Variants in HPSE2 observed in about 807,000 individuals in gnomAD.
HPSE2 encodes heparanase 2 (inactive), also known as inactive heparanase-2.
A neutral mutation model predicts 60.5 loss-of-function variants in HPSE2; 38 were observed. The ratio of observed to expected loss-of-function variants is 0.63; its 90% CI spans 0.48 to 0.82. The LOEUF is 0.82. Among genes scored for constraint, HPSE2 ranks in the 40% least tolerant of loss-of-function variants. The pLI, the probability that HPSE2 is intolerant of heterozygous loss-of-function variation, is 0.00. For synonymous variants in HPSE2, 295 were observed against 293.2 expected (o/e 1.01, Z -0.06); for missense variants, 713 against 740.4 (o/e 0.96, Z 0.43).
intron 10 of HPSE2, among the ~76,000 whole-genome samples, chr10:98,483,847 T>C (rs562173590): frequency 1.3e-5 from 2 of 152,304 alleles, no homozygotes; most frequent in Admixed American, 6.5e-5. Context: ...ATTGAAAGCC[T>C]TGGAGATTTG....
At chr10:98,684,424 A>G (rs1308676953) in intron 6 of HPSE2, among the ~76,000 whole-genome samples, 1 of 151,534 alleles carries the variant, frequency 6.6e-6, no homozygotes, top group African/African-American at 2.4e-5. Context: ...ATAAAAATAG[A>G]GATAGTTAAT....
At chr10:98,544,347 T>C (rs1234303614) in intron 9 of HPSE2, among the ~76,000 whole-genome samples, 1 of 152,086 alleles carries the variant, frequency 6.6e-6, no homozygotes, top group South Asian at 2.1e-4. Context: ...AGAGGGAAAT[T>C]TATAGCACTA....
At chr10:99,226,713 C>T (rs1463363426) in intron 2 of HPSE2, among the ~76,000 whole-genome samples, 1 of 151,972 alleles carries the variant, frequency 6.6e-6, no homozygotes, top group Non-Finnish European at 1.5e-5. Context: ...TTAAGCTCCA[C>T]CTCCCAGAGG....
the HPSE2 span, among the ~76,000 whole-genome samples, chr10:99,293,061 G>T: frequency 6.6e-6 from 1 of 152,000 alleles, no homozygotes; most frequent in African/African-American, 2.4e-5. Context: ...AAAGTTCTAT[G>T]GTTTTCCAGG....
intron 3 of HPSE2, among the ~76,000 whole-genome samples, chr10:99,045,106 T>G (rs560007623): frequency 6.6e-6 from 1 of 152,118 alleles, no homozygotes; most frequent in African/African-American, 2.4e-5. Flanking sequence ...ATGAACCACA[T>G]GCACAGTCAT....
At chr10:98,495,058 CAG>C (rs1171833706) in intron 9 of HPSE2, among the ~76,000 whole-genome samples, 1 of 152,022 alleles carries the variant, frequency 6.6e-6, no homozygotes, top group Non-Finnish European at 1.5e-5. Context: ...GCATTTTTTG[CAG>C]AGCAAGTCTA....
At chr10:99,130,906 G>C (rs545415220) in intron 3 of HPSE2, among the ~76,000 whole-genome samples, 1 of 152,262 alleles carries the variant, frequency 6.6e-6, no homozygotes, top group Non-Finnish European at 1.5e-5. Flanking sequence ...GGCTGCCAGT[G>C]AAAGAGCCAA....
intron 9 of HPSE2, among the ~76,000 whole-genome samples, chr10:98,503,691 G>A (rs1480448114): frequency 6.6e-6 from 1 of 152,204 alleles, no homozygotes; most frequent in Non-Finnish European, 1.5e-5. Context: ...GCCATAAAAA[G>A]GATGAATTAA....
chr10:99,152,918 G>T (rs563758995), intron 2 of HPSE2, among the ~76,000 whole-genome samples: 3 of 152,248 alleles, frequency 2.0e-5, no homozygotes, highest in Admixed American at 2.0e-4. Flanking sequence ...CCGAAGCAGG[G>T]CGAGGCATTG....
At chr10:98,753,983 C>G (rs1390698618) in intron 3 of HPSE2, among the ~76,000 whole-genome samples, 2 of 152,088 alleles carry the variant, frequency 1.3e-5, no homozygotes, top group Non-Finnish European at 2.9e-5. Flanking sequence ...CACTAGCTTC[C>G]CAGCAATGGT....
At chr10:98,479,259 C>T (rs569903029) in intron 11 of HPSE2, among the ~76,000 whole-genome samples, 2 of 152,184 alleles carry the variant, frequency 1.3e-5, no homozygotes, top group Non-Finnish European at 2.9e-5. Flanking sequence ...CTTCCTGGTT[C>T]CTCCAGACAG....
chr10:99,132,187 AAGAAAGAGAGAG>A (rs1845432474), intron 3 of HPSE2, among the ~76,000 whole-genome samples: 5 of 24,208 alleles, frequency 2.1e-4, no homozygotes, highest in African/African-American at 4.1e-4. Flanking sequence ...GAAAGAAAGA[AAGAAAGAGAGAG>A]AGAGAGAGAG....
At chr10:98,567,416 C>T (rs573255715) in intron 9 of HPSE2, among the ~76,000 whole-genome samples, 3 of 152,128 alleles carry the variant, frequency 2.0e-5, no homozygotes, top group Non-Finnish European at 2.9e-5. Context: ...AATACCATGT[C>T]ATGGAAACAC....
intron 3 of HPSE2, among the ~76,000 whole-genome samples, chr10:99,099,598 C>A (rs1843864413): frequency 6.6e-6 from 1 of 152,188 alleles, no homozygotes; most frequent in African/African-American, 2.4e-5. Flanking sequence ...GCAGCAGAAA[C>A]CTCTGCAGAT....
At chr10:98,598,767 C>T (rs1589480614) in intron 9 of HPSE2, among the ~76,000 whole-genome samples, 1 of 151,844 alleles carries the variant, frequency 6.6e-6, no homozygotes, top group Non-Finnish European at 1.5e-5. Flanking sequence ...AGTCTGGTGT[C>T]ATCAGGACTG....
intron 3 of HPSE2, among the ~76,000 whole-genome samples, chr10:98,966,890 C>T (rs1955827069): frequency 6.6e-6 from 1 of 152,172 alleles, no homozygotes; most frequent in Admixed American, 6.5e-5. Context: ...TTCACATGTA[C>T]TCCATAAATA....
intron 3 of HPSE2, among the ~76,000 whole-genome samples, chr10:99,088,861 C>G (rs2135592852): frequency 6.6e-6 from 1 of 152,206 alleles, no homozygotes; most frequent in East Asian, 1.9e-4. Flanking sequence ...TCCACACCAA[C>G]ATCTATTTTT....
At chr10:98,461,675 C>A (rs899007424) in intron 11 of HPSE2, 9 of 911,976 alleles carry the variant, frequency 9.9e-6, no homozygotes, top group African/African-American at 1.7e-5. Context: ...CTTTCTAAGG[C>A]ATACTCAAAT....
intron 3 of HPSE2, among the ~76,000 whole-genome samples, chr10:98,799,473 C>A (rs575087799): frequency 6.6e-6 from 1 of 152,286 alleles, no homozygotes; most frequent in South Asian, 2.1e-4. Flanking sequence ...CATCCACTGG[C>A]TGCAGAATAT....
Sources: gnomAD v4.1 joint callset for allele counts (sites outside exome capture counted in the v4.1 genomes callset) on GRCh38, gnomAD v4.1.1 for gene constraint, MANE v1.5 for transcripts, NCBI Gene and HGNC (gene_info 2026-07-23, HGNC 2026-07-21) for gene names.